ARID3B: variants seen among roughly 807,000 people sequenced by gnomAD.
ARID3B encodes AT-rich interactive domain-containing protein 3B.
ARID3B carries 10 observed loss-of-function variants against 51.9 expected under a neutral mutation model. The observed-to-expected ratio is 0.19, with a 90% CI of 0.12 to 0.33. The LOEUF (loss-of-function observed/expected upper bound fraction) is 0.33. Ranked by LOEUF, ARID3B falls within the 10% of genes least tolerant of loss-of-function variation. The pLI is 1.00. For synonymous variants in ARID3B, 205 were observed against 279.5 expected, an observed-to-expected ratio of 0.73 and a Z score of 2.66; for missense variants, 483 against 716.3, an observed-to-expected ratio of 0.67 and a Z score of 3.72.
intron 2 of ARID3B, among the ~76,000 whole-genome samples, chr15:74,562,040 T>TG (rs1361264727): frequency 4.1e-4 from 51 of 125,458 alleles, no homozygotes; most frequent in African/African-American, 1.5e-3. Flanking sequence ...GACTCTGTCT[T>TG]AAAAAAAAAA....
intron 2 of ARID3B, among the ~76,000 whole-genome samples, chr15:74,568,439 TAAG>T (rs1039773262): frequency 6.6e-6 from 1 of 152,246 alleles, no homozygotes; most frequent in Non-Finnish European, 1.5e-5. Context: ...GCACTGTCAC[TAAG>T]AAGCTCTGAG....
At chr15:74,563,027 C>T (rs556378537) in intron 2 of ARID3B, among the ~76,000 whole-genome samples, 2 of 152,308 alleles carry the variant, frequency 1.3e-5, no homozygotes, top group Non-Finnish European at 2.9e-5. Flanking sequence ...ATTTTCCCCC[C>T]AGATTATTCA....
At chr15:74,566,137 A>C (rs188200126) in intron 2 of ARID3B, among the ~76,000 whole-genome samples, 134 of 152,162 alleles carry the variant, frequency 8.8e-4, no homozygotes, top group African/African-American at 3.1e-3. Flanking sequence ...CCCCAGTCCC[A>C]CATTCTCAGC....
rs139361020 is a variant in ARID3B at position 74,542,175 on chromosome 15, A to G, written c.-78+845A>G. On this transcript the variant is annotated intron_variant, in intron 1 of 8. Coordinates refer to ENST00000346246, the MANE Select transcript of ARID3B (RefSeq NM_006465.4). ...TCGTGATTGATTGACTGTAATGACTATGAGGACATTTAAAATGAACACCGA... is the reference window on the plus strand; with the variant it reads ...TCGTGATTGATTGACTGTAATGACTGTGAGGACATTTAAAATGAACACCGA... Among the ~76,000 whole-genome samples, 113 of 152,360 alleles carry G rather than the reference A, an allele frequency of 7.4e-4. 2 individuals are homozygous for G. In the South Asian group the frequency reaches 9.1e-3, roughly 12 times the overall value.
chr15:74,543,872 T>C lies in ARID3B; in HGVS notation c.-65T>C. ...GTTAATCACTAAGGTTTAGACCCAGTGTGCCTGGTGGGCTGTGCCCAGGTT... is the reference window on the plus strand; with the variant it reads ...GTTAATCACTAAGGTTTAGACCCAGCGTGCCTGGTGGGCTGTGCCCAGGTT... On this transcript the variant is annotated 5_prime_UTR_variant, in exon 2 of 9. Coordinates refer to ENST00000346246, the MANE Select transcript of ARID3B (RefSeq NM_006465.4). 6.5e-7 allele frequency: 1 copy of C among 1,544,330 alleles called. No homozygotes were observed. Among genetic ancestry groups the C allele is most frequent in the African/African-American group, 1.4e-5 (1 of 72,816 alleles).
intron 2 of ARID3B, among the ~76,000 whole-genome samples, chr15:74,558,073 G>A (rs751441399): frequency 6.9e-4 from 104 of 151,698 alleles, no homozygotes; most frequent in Non-Finnish European, 1.2e-3. Flanking sequence ...CGCCCACCTC[G>A]GCCTCCCAAA....
intron 2 of ARID3B, among the ~76,000 whole-genome samples, chr15:74,568,030 C>G (rs2061705998): frequency 2.0e-5 from 3 of 152,192 alleles, no homozygotes; most frequent in African/African-American, 7.2e-5. Flanking sequence ...TCTTTTTCTC[C>G]TCTCCCCTGA....
intron 2 of ARID3B, among the ~76,000 whole-genome samples, chr15:74,559,412 A>G (rs934600138): frequency 6.6e-6 from 1 of 152,216 alleles, no homozygotes; most frequent in Non-Finnish European, 1.5e-5. Context: ...CCTCACTCAC[A>G]GTTTTGTTTG....
chr15:74,587,452 A>G (rs975203359), intron 4 of ARID3B, among the ~76,000 whole-genome samples: 2 of 152,238 alleles, frequency 1.3e-5, no homozygotes, highest in African/African-American at 4.8e-5. Context: ...GTTGCTGGGA[A>G]AAAATGAGGT....
At chr15:74,594,072 A>ATATT (rs942029782) in intron 8 of ARID3B, among the ~76,000 whole-genome samples, 2 of 151,950 alleles carry the variant, frequency 1.3e-5, no homozygotes, top group Admixed American at 1.3e-4. Context: ...AAAACTTAAT[A>ATATT]TTCATAAAAA....
chr15:74,563,533 A>G (rs1293560933), intron 2 of ARID3B, among the ~76,000 whole-genome samples: 8 of 152,166 alleles, frequency 5.3e-5, no homozygotes, highest in Admixed American at 5.2e-4. Context: ...CAAGTTTCCA[A>G]CCTCTTAGGT....
intron 1 of ARID3B, among the ~76,000 whole-genome samples, chr15:74,543,625 A>G (rs907856720): frequency 1.3e-5 from 2 of 152,186 alleles, no homozygotes; most frequent in Non-Finnish European, 2.9e-5. Flanking sequence ...GCCTGCTACT[A>G]CTACTGAAAT....
chr15:74,562,265 C>T, intron 2 of ARID3B, among the ~76,000 whole-genome samples: 1 of 152,126 alleles, frequency 6.6e-6, no homozygotes. Flanking sequence ...CCTCCACCTC[C>T]CGAGTAGCTG....
chr15:74,597,834 C>A lies in ARID3B; in HGVS notation c.*2060C>A, dbSNP rs1298272360. ...GAACCCTCACTGCCCTCAAGGACAA[C>A]AGCAGGGTGTCACCCAGAGCCCGAT... On this transcript the variant is annotated 3_prime_UTR_variant, in exon 9 of 9. Coordinates refer to ENST00000346246, the MANE Select transcript of ARID3B (RefSeq NM_006465.4). The A allele has an allele frequency of 1.2e-5, 6 of 505,546 alleles. No individual in the cohort carries two copies. The highest frequency in any genetic ancestry group is 2.3e-5 in the Non-Finnish European group (6 of 261,204). 31.3% of individuals were successfully genotyped at this position (505,546 alleles called of 1,614,324 possible).
intron 2 of ARID3B, among the ~76,000 whole-genome samples, chr15:74,562,709 T>G (rs1164649025): frequency 6.6e-6 from 1 of 152,204 alleles, no homozygotes; most frequent in Non-Finnish European, 1.5e-5. Context: ...GCTGCTGTTT[T>G]TATTGTGATA....
intron 1 of ARID3B, among the ~76,000 whole-genome samples, chr15:74,541,912 A>G (rs1399680202): frequency 6.6e-6 from 1 of 152,120 alleles, no homozygotes; most frequent in Non-Finnish European, 1.5e-5. Flanking sequence ...AAGTTCTCCA[A>G]ATGTAGGCAG....
At chr15:74,545,360 C>A (rs2061611920) in intron 2 of ARID3B, among the ~76,000 whole-genome samples, 1 of 152,154 alleles carries the variant, frequency 6.6e-6, no homozygotes, top group East Asian at 1.9e-4. Flanking sequence ...TCAAAATTTC[C>A]TTTTTAGTCA....
At chr15:74,555,786 CTTTTTTTTTT>C (rs869243539) in intron 2 of ARID3B, among the ~76,000 whole-genome samples, 8 of 95,080 alleles carry the variant, frequency 8.4e-5, no homozygotes, top group South Asian at 4.1e-4. Flanking sequence ...AGCTGTATTT[CTTTTTTTTTT>C]TTTTTTTTTT....
At chr15:74,579,454 T>C (rs903986390) in intron 4 of ARID3B, among the ~76,000 whole-genome samples, 1 of 152,180 alleles carries the variant, frequency 6.6e-6, no homozygotes, top group African/African-American at 2.4e-5. Context: ...CCCACTCTGG[T>C]GGCCACAGTT....
Sources: gnomAD v4.1 joint callset for allele counts (sites outside exome capture counted in the v4.1 genomes callset) on GRCh38, gnomAD v4.1.1 for gene constraint, MANE v1.5 for transcripts, NCBI Gene and HGNC (gene_info 2026-07-23, HGNC 2026-07-21) for gene names.